The following LSAMP variants were observed in gnomAD, a reference collection of about 807,000 sequenced individuals.
The protein encoded by LSAMP is limbic system associated membrane protein.
In LSAMP, 7 loss-of-function variants were observed where a neutral mutation model predicts 38.6. The ratio of observed to expected loss-of-function variants is 0.18; its 90% CI spans 0.10 to 0.34. LSAMP has a LOEUF of 0.34. Among genes scored for constraint, LSAMP ranks in the 10% least tolerant of loss-of-function variants. The pLI, the probability that LSAMP is intolerant of heterozygous loss-of-function variation, is 1.00. For synonymous variants in LSAMP, 154 were observed against 166.8 expected, an observed-to-expected ratio of 0.92 and a Z score of 0.59; for missense variants, 313 against 420.0, an observed-to-expected ratio of 0.75 and a Z score of 2.23.
At chr3:115,862,261 G>A (rs550545805) in intron 3 of LSAMP, among the ~76,000 whole-genome samples, 162 of 152,308 alleles carry the variant, frequency 1.1e-3, no homozygotes, top group Middle Eastern at 6.8e-3. Context: ...AGCAGCAGTT[G>A]CTGTTTTTAA....
At chr3:116,285,384 T>G (rs922909544) in intron 1 of LSAMP, among the ~76,000 whole-genome samples, 12 of 152,134 alleles carry the variant, frequency 7.9e-5, no homozygotes, top group African/African-American at 2.4e-4. Flanking sequence ...TGGGTGAGTC[T>G]GCCAATCCTC....
chr3:116,292,769 C>T (rs1451784947), intron 1 of LSAMP, among the ~76,000 whole-genome samples: 9 of 152,168 alleles, frequency 5.9e-5, no homozygotes, highest in African/African-American at 1.9e-4. Flanking sequence ...AACTGAAGCT[C>T]GCAAGGTTAA....
intron 2 of LSAMP, among the ~76,000 whole-genome samples, chr3:116,078,803 C>T (rs1707808419): frequency 6.6e-6 from 1 of 152,126 alleles, no homozygotes; most frequent in Admixed American, 6.6e-5. Flanking sequence ...TACTTCCTGG[C>T]CCAAGAGATG....
At chr3:116,325,516 A>T (rs534089616) in intron 1 of LSAMP, among the ~76,000 whole-genome samples, 1 of 152,286 alleles carries the variant, frequency 6.6e-6, no homozygotes, top group South Asian at 2.1e-4. Flanking sequence ...GGTCCCTCAA[A>T]GTTTGAGATG....
intron 3 of LSAMP, among the ~76,000 whole-genome samples, chr3:115,936,188 T>C (rs549203702): frequency 6.6e-6 from 1 of 152,336 alleles, no homozygotes; most frequent in Admixed American, 6.5e-5. Context: ...TATCTCAGGT[T>C]TGCTTTAGCG....
intron 1 of LSAMP, among the ~76,000 whole-genome samples, chr3:116,368,548 G>T (rs571470382): frequency 6.6e-5 from 10 of 152,200 alleles, no homozygotes; most frequent in Non-Finnish European, 1.5e-4. Flanking sequence ...TCACAAAGCT[G>T]CATGAAGAGT....
At chr3:116,099,587 CTCTG>C (rs926237354) in intron 1 of LSAMP, among the ~76,000 whole-genome samples, 1 of 152,160 alleles carries the variant, frequency 6.6e-6, no homozygotes, top group Non-Finnish European at 1.5e-5. Context: ...GATAAGTCAC[CTCTG>C]TCTGGCTCTA....
chr3:116,326,205 G>A (rs552067547), intron 1 of LSAMP, among the ~76,000 whole-genome samples: 2 of 152,022 alleles, frequency 1.3e-5, no homozygotes, highest in Admixed American at 6.6e-5. Context: ...CAGTGGAGTG[G>A]TTTTTACCCT....
rs535136935 is a variant in LSAMP at position 115,839,120 on chromosome 3, C to G, written c.919+2725G>C. On this transcript the variant is annotated intron_variant, in intron 6 of 6. Transcript: ENST00000490035. ...CTGTGGAAAATTACCTCTGCTGACACTTGCACAGTGTCTTCCTTTTCCAAT... is the reference window on the plus strand; with the variant it reads ...CTGTGGAAAATTACCTCTGCTGACAGTTGCACAGTGTCTTCCTTTTCCAAT... Among the ~76,000 whole-genome samples, 6 of 152,330 alleles carry G rather than the reference C, an allele frequency of 3.9e-5. No homozygotes were observed. In the East Asian group the frequency reaches 1.2e-3, roughly 29 times the overall value.
At chr3:116,322,330 C>T (rs1171597558) in intron 1 of LSAMP, among the ~76,000 whole-genome samples, 1 of 152,102 alleles carries the variant, frequency 6.6e-6, no homozygotes, top group Non-Finnish European at 1.5e-5. Flanking sequence ...TGGCTATAAC[C>T]ATTCCATTGA....
chr3:115,822,266 A>T (rs1934264630), intron 6 of LSAMP, among the ~76,000 whole-genome samples: 1 of 152,096 alleles, frequency 6.6e-6, no homozygotes, highest in Non-Finnish European at 1.5e-5. Flanking sequence ...AAGTAAGAAA[A>T]GAGTCAAAAT....
rs113629154 is a variant in LSAMP, at chr3:116,195,345, C to T, written c.156-108789G>A. 3.3e-3 allele frequency among the ~76,000 whole-genome samples: 501 copies of T among 152,270 alleles called. 3 individuals carry two copies. The highest frequency in any genetic ancestry group is 0.011 in the African/African-American group (471 of 41,540). The stretch of plus-strand genomic sequence containing the variant: ...GACTCCTGTTTCCTGAGTGTGTCTT[C>T]ACCAATACAACCATCTTTTTTTCAG... On this transcript the variant is annotated intron_variant, in intron 1 of 6. Transcript: ENST00000490035.
intron 3 of LSAMP, among the ~76,000 whole-genome samples, chr3:115,899,202 A>C (rs1466108782): frequency 2.0e-5 from 3 of 152,094 alleles, no homozygotes; most frequent in African/African-American, 7.2e-5. Flanking sequence ...GCTTCCTTTC[A>C]AACAGTTTTT....
chr3:116,420,915 A>G (rs1416009726), intron 1 of LSAMP, among the ~76,000 whole-genome samples: 1 of 152,234 alleles, frequency 6.6e-6, no homozygotes, highest in Non-Finnish European at 1.5e-5. Context: ...AAAGATGCCA[A>G]AGCAATTATA....
chr3:116,425,235 C>G (rs1240206742), intron 1 of LSAMP, among the ~76,000 whole-genome samples: 1 of 152,160 alleles, frequency 6.6e-6, no homozygotes, highest in Non-Finnish European at 1.5e-5. Flanking sequence ...TTCATTGACC[C>G]TTCATGTTTC....
At chr3:116,235,847 T>C (rs897829077) in intron 1 of LSAMP, among the ~76,000 whole-genome samples, 1 of 152,194 alleles carries the variant, frequency 6.6e-6, no homozygotes, top group Non-Finnish European at 1.5e-5. Context: ...TCCCACTGCA[T>C]ATTTTAACCC....
intron 3 of LSAMP, among the ~76,000 whole-genome samples, chr3:115,880,042 A>G (rs1936282753): frequency 6.6e-6 from 1 of 152,216 alleles, no homozygotes; most frequent in African/African-American, 2.4e-5. Context: ...AAAAGATCTT[A>G]CAGATTTGAA....
intron 1 of LSAMP, among the ~76,000 whole-genome samples, chr3:116,335,521 A>G (rs925223971): frequency 3.3e-5 from 5 of 152,070 alleles, no homozygotes; most frequent in African/African-American, 1.2e-4. Context: ...AGACATATAA[A>G]CCAATGGAAT....
At chr3:116,439,303 G>C (rs2049398726) in intron 1 of LSAMP, among the ~76,000 whole-genome samples, 1 of 148,914 alleles carries the variant, frequency 6.7e-6, no homozygotes, top group Non-Finnish European at 1.5e-5. Context: ...TCCAGCATAG[G>C]TCCTGAGATT....
Sources: gnomAD v4.1 joint callset for allele counts (sites outside exome capture counted in the v4.1 genomes callset) on GRCh38, gnomAD v4.1.1 for gene constraint, MANE v1.5 for transcripts, NCBI Gene and HGNC (gene_info 2026-07-23, HGNC 2026-07-21) for gene names.